Variants in WWOX observed in about 807,000 individuals in gnomAD.
WWOX encodes the protein WW domain-containing oxidoreductase.
In WWOX, 69 loss-of-function variants were observed where a neutral mutation model predicts 46.2. The ratio of observed to expected loss-of-function variants is 1.49; its 90% CI spans 1.23 to 1.82. The LOEUF is 1.82. WWOX is among the 40% of genes most tolerant of loss of function. The probability of loss-of-function intolerance (pLI) is 0.00; values close to 1 mark genes in which losing one functional copy is unlikely to be tolerated. For missense variants in WWOX, 919 were observed against 542.6 expected, an observed-to-expected ratio of 1.69 and a Z score of -6.89; for synonymous variants, 359 against 202.6, an observed-to-expected ratio of 1.77 and a Z score of -6.56.
chr16:78,578,358 C>T (rs1342538176), intron 8 of WWOX, among the ~76,000 whole-genome samples: 4 of 131,604 alleles, frequency 3.0e-5, no homozygotes, highest in East Asian at 2.3e-4. Context: ...GGCGCAATCT[C>T]GGCTCACTGC....
At chr16:79,111,551 C>T (rs1474267490) in intron 8 of WWOX, among the ~76,000 whole-genome samples, 1 of 151,984 alleles carries the variant, frequency 6.6e-6, no homozygotes, top group African/African-American at 2.4e-5. Context: ...TTTATGTACT[C>T]TTTTGAAAGA....
At chr16:78,219,223 T>G (rs973373721) in intron 5 of WWOX, among the ~76,000 whole-genome samples, 4 of 152,218 alleles carry the variant, frequency 2.6e-5, no homozygotes, top group Non-Finnish European at 5.9e-5. Flanking sequence ...AATCACTGGA[T>G]TTGAAGTTGG....
chr16:78,291,565 G>C (rs564237846), intron 5 of WWOX, among the ~76,000 whole-genome samples: 1 of 152,226 alleles, frequency 6.6e-6, no homozygotes, highest in African/African-American at 2.4e-5. Context: ...GTCTGAAACC[G>C]CTGTTTGGAT....
rs183335277 is a variant in WWOX at position 78,265,063 on chromosome 16, C to T, written c.516+100774C>T. ...TCGTCCAGGTTGGAGTGCAGTGGCACGATCTCAGCTCACTCCAACCTCTGC... is the reference window on the plus strand; with the variant it reads ...TCGTCCAGGTTGGAGTGCAGTGGCATGATCTCAGCTCACTCCAACCTCTGC... On this transcript the variant is annotated intron_variant, in intron 5 of 8. Transcript: ENST00000566780. 4.4e-3 allele frequency among the ~76,000 whole-genome samples: 650 copies of T among 146,740 alleles called. 2 individuals are homozygous for T. The highest frequency in any genetic ancestry group is 0.013 in the South Asian group (60 of 4,568).
intron 8 of WWOX, among the ~76,000 whole-genome samples, chr16:78,693,734 C>A (rs2048040012): frequency 6.6e-6 from 1 of 152,104 alleles, no homozygotes; most frequent in African/African-American, 2.4e-5. Context: ...GTGGCCCTTA[C>A]CACAGAGAAC....
intron 8 of WWOX, among the ~76,000 whole-genome samples, chr16:78,702,027 AT>A (rs2048229944): frequency 8.2e-6 from 1 of 122,088 alleles, no homozygotes; most frequent in African/African-American, 4.1e-5. Flanking sequence ...ATATATATAT[AT>A]ATATATATAT....
At chr16:79,138,981 T>A (rs991586555) in intron 8 of WWOX, among the ~76,000 whole-genome samples, 1 of 152,088 alleles carries the variant, frequency 6.6e-6, no homozygotes, top group African/African-American at 2.4e-5. Flanking sequence ...TCCACACATA[T>A]AACTCCCTTT....
At chr16:78,177,400 C>A (rs77754432) in intron 5 of WWOX, among the ~76,000 whole-genome samples, 8,812 of 152,216 alleles carry the variant, frequency 0.058, 855 homozygotes, top group African/African-American at 0.2. Flanking sequence ...ATGCCAGCGC[C>A]TGGGTAGTGT....
intron 8 of WWOX, among the ~76,000 whole-genome samples, chr16:79,065,305 A>G (rs2048421800): frequency 6.6e-6 from 1 of 152,210 alleles, no homozygotes; most frequent in Non-Finnish European, 1.5e-5. Flanking sequence ...CCAGCCAAGC[A>G]AAAGGACAGG....
chr16:79,176,614 G>A (rs1056675530), intron 8 of WWOX, among the ~76,000 whole-genome samples: 6 of 152,146 alleles, frequency 3.9e-5, no homozygotes, highest in African/African-American at 1.2e-4. Flanking sequence ...TTAAACTGAT[G>A]TCTGTGTGTC....
rs2051359125 is a variant in WWOX, at chr16:79,201,845, A to G, written c.1057-9763A>G. On this transcript the variant is annotated intron_variant, in intron 8 of 8. Transcript: ENST00000566780. ...TTGTCAGAGGAAGGCAGCCTGTTTT[A>G]TAAGCTCAGGTGATTTCATTTTTGT... 2.0e-5 allele frequency among the ~76,000 whole-genome samples: 3 copies of G among 152,208 alleles called. No homozygotes were observed. The South Asian group carries it at 6.2e-4, about 32-fold the overall frequency.
At chr16:78,215,255 G>A (rs1209859809) in intron 5 of WWOX, among the ~76,000 whole-genome samples, 1 of 152,090 alleles carries the variant, frequency 6.6e-6, no homozygotes, top group Non-Finnish European at 1.5e-5. Context: ...TTTCCTCTTT[G>A]TTAATCCTCA....
At chr16:78,898,763 A>T (rs996441695) in intron 8 of WWOX, 4 of 152,092 alleles carry the variant, frequency 2.6e-5, no homozygotes, top group Non-Finnish European at 4.4e-5. Context: ...CTCTCCATTT[A>T]TTTAAGGCTT....
chr16:78,819,238 C>G (rs2051426692), intron 8 of WWOX, among the ~76,000 whole-genome samples: 1 of 152,138 alleles, frequency 6.6e-6, no homozygotes, highest in Non-Finnish European at 1.5e-5. Context: ...TCTTCAGTGA[C>G]CCCCAGTGAG....
chr16:78,748,398 T>C (rs965117776), intron 8 of WWOX, among the ~76,000 whole-genome samples: 11 of 152,222 alleles, frequency 7.2e-5, no homozygotes, highest in African/African-American at 2.4e-4. Context: ...CTGCAGTATT[T>C]ACTGGGCATT....
rs143971019 is a variant in WWOX, at chr16:78,640,795, C to T, written c.1056+208043C>T. Among the ~76,000 whole-genome samples, 552 of 151,912 alleles carry T rather than the reference C, an allele frequency of 3.6e-3. 2 individuals carry two copies. Among genetic ancestry groups the T allele is most frequent in the African/African-American group, 0.013 (529 of 41,442 alleles). ...CTCTACTAAAATACAAAAAATTAGC[C>T]GGGCGTGGCAGTGTGTGCCTGTAAT... is the stretch of plus-strand genomic sequence containing the variant. On this transcript the variant is annotated intron_variant, in intron 8 of 8. Transcript: ENST00000566780.
rs562478660 is a variant in WWOX at position 78,997,514 on chromosome 16, T to G, written c.1057-214094T>G. On this transcript the variant is annotated intron_variant, in intron 8 of 8. Transcript: ENST00000566780. ...AGATTTTTATTTTATTTTTACACTT[T>G]CATTGCCCTTTGCTCTTTCTGGCTT... 3.3e-5 allele frequency among the ~76,000 whole-genome samples: 5 copies of G among 152,202 alleles called. No individual in the cohort carries two copies. The East Asian group carries it at 5.8e-4, about 18-fold the overall frequency.
chr16:78,932,178 C>G (rs1351531050), intron 8 of WWOX, among the ~76,000 whole-genome samples: 1 of 152,208 alleles, frequency 6.6e-6, no homozygotes, highest in Non-Finnish European at 1.5e-5. Flanking sequence ...AGGGGCTTGA[C>G]TCCCAGTCCT....
chr16:78,534,931 C>T (rs1370074574), intron 8 of WWOX, among the ~76,000 whole-genome samples: 1 of 152,062 alleles, frequency 6.6e-6, no homozygotes, highest in Non-Finnish European at 1.5e-5. Flanking sequence ...CCGGGATGGT[C>T]TCGATGTCCT....
Sources: gnomAD v4.1 joint callset for allele counts (sites outside exome capture counted in the v4.1 genomes callset) on GRCh38, gnomAD v4.1.1 for gene constraint, MANE v1.5 for transcripts, NCBI Gene and HGNC (gene_info 2026-07-23, HGNC 2026-07-21) for gene names.